Variants in PAPPA observed in about 807,000 individuals in gnomAD.
The protein encoded by PAPPA is pappalysin 1, also known as pappalysin-1.
In PAPPA, 60 loss-of-function variants were observed where a neutral mutation model predicts 164.0. That is an observed-to-expected ratio of 0.37 (90% CI 0.30 to 0.45). The LOEUF (loss-of-function observed/expected upper bound fraction) is 0.45, where lower values mean the gene tolerates loss of function less well. Ranked by LOEUF, PAPPA falls within the 20% of genes least tolerant of loss-of-function variation. PAPPA has a pLI of 1.00. For missense variants in PAPPA, 1,782 were observed against 2,087.3 expected (o/e 0.85, Z 2.85); for synonymous variants, 875 against 814.1 (o/e 1.07, Z -1.27).
At chr9:116,272,446 A>G (rs1351909786) in intron 9 of PAPPA, among the ~76,000 whole-genome samples, 2 of 152,250 alleles carry the variant, frequency 1.3e-5, no homozygotes, top group East Asian at 1.9e-4. Flanking sequence ...TCGCATCTGC[A>G]GTGCATTACA....
At chr9:116,378,878 T>G (rs1846689975) in intron 20 of PAPPA, among the ~76,000 whole-genome samples, 1 of 152,188 alleles carries the variant, frequency 6.6e-6, no homozygotes, top group Non-Finnish European at 1.5e-5. Context: ...TACACATTTT[T>G]TTCTCTGCAT....
chr9:116,305,306 A>G (rs186553229), intron 10 of PAPPA, among the ~76,000 whole-genome samples: 3 of 152,294 alleles, frequency 2.0e-5, no homozygotes, highest in Admixed American at 2.0e-4. Context: ...AGAGATTGGT[A>G]GTTAATTTTC....
At chr9:116,173,458 G>T (rs1466337072) in intron 1 of PAPPA, among the ~76,000 whole-genome samples, 1 of 152,070 alleles carries the variant, frequency 6.6e-6, no homozygotes, top group South Asian at 2.1e-4. Context: ...CCCAGCTAAT[G>T]ATCCCCACCC....
At chr9:116,285,490 C>A (rs1460600975) in intron 9 of PAPPA, among the ~76,000 whole-genome samples, 1 of 152,156 alleles carries the variant, frequency 6.6e-6, no homozygotes, top group Admixed American at 6.5e-5. Flanking sequence ...CTGGCCTCAT[C>A]TCATTTGCTC....
chr9:116,257,994 G>A (rs1844951975), intron 7 of PAPPA, among the ~76,000 whole-genome samples: 1 of 151,816 alleles, frequency 6.6e-6, no homozygotes, highest in Non-Finnish European at 1.5e-5. Context: ...CCTATAAAAT[G>A]CTTAGAGTAA....
chr9:116,248,657 A>G (rs978375322), intron 7 of PAPPA, among the ~76,000 whole-genome samples: 2 of 152,132 alleles, frequency 1.3e-5, no homozygotes, highest in African/African-American at 2.4e-5. Context: ...TTTTTCCTGG[A>G]TGGCATTTTA....
At chr9:116,338,806 G>A (rs1298911540) in intron 13 of PAPPA, among the ~76,000 whole-genome samples, 1 of 152,222 alleles carries the variant, frequency 6.6e-6, no homozygotes, top group Non-Finnish European at 1.5e-5. Context: ...ATCTACCAGA[G>A]TTCCAGTTGC....
rs75519837 is a variant in PAPPA, at chr9:116,264,181, T to C, written c.2733-1676T>C. 3.0e-3 allele frequency among the ~76,000 whole-genome samples: 451 copies of C among 152,318 alleles called. 12 individuals are homozygous for C. In the East Asian group the frequency reaches 0.052, roughly 18 times the overall value. ...CCACCCCACTCCAGTTTTAGAATTA[T>C]CACCAGGTGAAGTATATGCTCATTA... is the stretch of plus-strand genomic sequence containing the variant. On this transcript the variant is annotated intron_variant, in intron 7 of 21. Coordinates refer to ENST00000328252, the MANE Select transcript of PAPPA (RefSeq NM_002581.5).
At chr9:116,325,516 G>C (rs560637038) in intron 10 of PAPPA, among the ~76,000 whole-genome samples, 1 of 152,252 alleles carries the variant, frequency 6.6e-6, no homozygotes, top group East Asian at 1.9e-4. Flanking sequence ...AGGAAACACA[G>C]AATATCTCTG....
At chr9:116,343,236 C>T (rs1387242025) in intron 13 of PAPPA, among the ~76,000 whole-genome samples, 1 of 152,098 alleles carries the variant, frequency 6.6e-6, no homozygotes, top group Non-Finnish European at 1.5e-5. Flanking sequence ...TGAGTGCTTG[C>T]CTAACTATAA....
At chr9:116,290,326 C>T (rs1490916607) in intron 9 of PAPPA, among the ~76,000 whole-genome samples, 4 of 151,540 alleles carry the variant, frequency 2.6e-5, no homozygotes, top group Non-Finnish European at 4.4e-5. Context: ...ATCATCTACA[C>T]GCTTCTCGAT....
intron 13 of PAPPA, among the ~76,000 whole-genome samples, chr9:116,336,215 C>T (rs144426809): frequency 6.6e-6 from 1 of 151,932 alleles, no homozygotes; most frequent in African/African-American, 2.4e-5. Flanking sequence ...TCGATTCAGC[C>T]TTGCCCTGTA....
At chr9:116,340,488 T>C (rs1262188904) in intron 13 of PAPPA, among the ~76,000 whole-genome samples, 2 of 152,218 alleles carry the variant, frequency 1.3e-5, no homozygotes, top group African/African-American at 4.8e-5. Context: ...TTCTTGAAAA[T>C]GGGACTAATA....
rs1488261149 is a variant in PAPPA at position 116,176,245 on chromosome 9, G to C, written c.416-10909G>C. Among the ~76,000 whole-genome samples the C allele has an allele frequency of 2.0e-5, 3 of 152,200 alleles. No individual in the cohort carries two copies. The East Asian group carries it at 5.8e-4, about 29-fold the overall frequency. Reference sequence around the variant, plus strand: ...GTCTACACACTCAGAGATAGATTGAGACCAATTTCTGAAATGCAAAATTGT... The same window carrying C: ...GTCTACACACTCAGAGATAGATTGACACCAATTTCTGAAATGCAAAATTGT... On this transcript the variant is annotated intron_variant, in intron 1 of 21. Coordinates refer to ENST00000328252, the MANE Select transcript of PAPPA (RefSeq NM_002581.5).
chr9:116,171,318 G>A (rs1014950849), intron 1 of PAPPA, among the ~76,000 whole-genome samples: 1 of 152,130 alleles, frequency 6.6e-6, no homozygotes, highest in Non-Finnish European at 1.5e-5. Context: ...TGCCCTTGTG[G>A]CATGGGGTTG....
chr9:116,166,508 TCTGCTTTCC>T (rs1206214100), intron 1 of PAPPA, among the ~76,000 whole-genome samples: 2 of 152,230 alleles, frequency 1.3e-5, no homozygotes, highest in Non-Finnish European at 2.9e-5. Flanking sequence ...GGGCTTTCTA[TCTGCTTTCC>T]TTGATTTTCC....
chr9:116,332,359 C>T lies in PAPPA; in HGVS notation c.3288C>T (p.Ala1096=), dbSNP rs753006070. 1.6e-5 allele frequency: 26 copies of T among 1,613,694 alleles called. No homozygotes were observed. The highest frequency in any genetic ancestry group is 6.7e-5 in the East Asian group (3 of 44,870). The change falls in exon 12 of 22, where the codon GCC becomes GCT. Residue 1096 remains alanine (A), a synonymous_variant. Coordinates refer to ENST00000328252, the MANE Select transcript of PAPPA (RefSeq NM_002581.5). ...LRAYFSQPMV[A]AAVIVHLVTD... is the part of the protein sequence containing the mutation. ...CGTATTTTTCTCAACCAATGGTTGC[C>T]GCAGCTGTCATTGTCCACCTGGTGA...
intron 9 of PAPPA, among the ~76,000 whole-genome samples, chr9:116,300,923 T>C (rs1845573061): frequency 1.3e-5 from 2 of 152,150 alleles, no homozygotes; most frequent in South Asian, 4.1e-4. Flanking sequence ...ATTAGAGTTC[T>C]ATGGTTATCC....
intron 21 of PAPPA, among the ~76,000 whole-genome samples, chr9:116,383,141 C>T (rs372993354): frequency 2.2e-4 from 33 of 152,218 alleles, no homozygotes; most frequent in East Asian, 1.9e-3. Context: ...GAAAAACATT[C>T]GATAGATGCA....
Sources: allele counts gnomAD v4.1 joint callset (sites outside exome capture counted in the v4.1 genomes callset), GRCh38; gene constraint gnomAD v4.1.1; transcripts MANE v1.5; gene names NCBI Gene and HGNC (gene_info 2026-07-23, HGNC 2026-07-21).